Variants in MCPH1 observed in about 807,000 individuals in gnomAD.
MCPH1 encodes microcephalin.
In MCPH1, 104 loss-of-function variants were observed where a neutral mutation model predicts 84.5. That is an observed-to-expected ratio of 1.23 (90% CI 1.05 to 1.45). The LOEUF (loss-of-function observed/expected upper bound fraction) is 1.45, where lower values mean the gene tolerates loss of function less well. Among genes scored for constraint, MCPH1 ranks in the 40% most tolerant of loss-of-function variants. MCPH1 has a pLI of 0.00. For synonymous variants in MCPH1, 514 were observed against 366.8 expected, an observed-to-expected ratio of 1.40 and a Z score of -4.58; for missense variants, 1,498 against 1,005.7, an observed-to-expected ratio of 1.49 and a Z score of -6.62.
intron 3 of MCPH1, among the ~76,000 whole-genome samples, chr8:6,426,689 A>G (rs1373036044): frequency 6.6e-6 from 1 of 152,240 alleles, no homozygotes; most frequent in Non-Finnish European, 1.5e-5. Flanking sequence ...TCATTACCCA[A>G]ACTTTTCCAA....
At chr8:6,503,039 A>C (rs1261975823) in intron 12 of MCPH1, 5 of 1,589,642 alleles carry the variant, frequency 3.1e-6, no homozygotes, top group Non-Finnish European at 4.3e-6. Flanking sequence ...CGTGACTTTC[A>C]GTGCACTGGG....
At chr8:6,617,336 G>A (rs1340313771) in intron 12 of MCPH1, 1 of 145,934 alleles carries the variant, frequency 6.9e-6, no homozygotes, top group Non-Finnish European at 1.5e-5. Flanking sequence ...CTGGAGTACA[G>A]TGGCGCAATC....
chr8:6,602,558 A>G (rs1829456516), intron 12 of MCPH1, among the ~76,000 whole-genome samples: 1 of 152,024 alleles, frequency 6.6e-6, no homozygotes, highest in Non-Finnish European at 1.5e-5. Flanking sequence ...TCTCCCACTC[A>G]GAGAGCCTTC....
intron 12 of MCPH1, among the ~76,000 whole-genome samples, chr8:6,531,547 C>G (rs967989925): frequency 6.6e-6 from 1 of 152,184 alleles, no homozygotes; most frequent in Non-Finnish European, 1.5e-5. Flanking sequence ...CCATCTCGGC[C>G]TCCCAAAGTG....
At chr8:6,517,266 G>C (rs1424887677) in intron 12 of MCPH1, among the ~76,000 whole-genome samples, 2 of 152,162 alleles carry the variant, frequency 1.3e-5, no homozygotes, top group Non-Finnish European at 2.9e-5. Context: ...GCAGGAACCT[G>C]ATATCTTTCT....
intron 1 of MCPH1, among the ~76,000 whole-genome samples, chr8:6,408,821 C>G (rs564550689): frequency 1.3e-5 from 2 of 152,146 alleles, no homozygotes; most frequent in African/African-American, 2.4e-5. Context: ...CCTTGGCCTT[C>G]CAGAGTGCTG....
At chr8:6,429,902 A>G (rs1200522516) in intron 3 of MCPH1, among the ~76,000 whole-genome samples, 1 of 152,160 alleles carries the variant, frequency 6.6e-6, no homozygotes, top group Non-Finnish European at 1.5e-5. Context: ...GACAGGGTCC[A>G]AGCTCATTAG....
chr8:6,586,133 T>C (rs1354668911), intron 12 of MCPH1, among the ~76,000 whole-genome samples: 1 of 151,402 alleles, frequency 6.6e-6, no homozygotes, highest in South Asian at 2.1e-4. Flanking sequence ...CGCTTTCTGA[T>C]TTTTTTTTGT....
chr8:6,433,302 T>G (rs112777645), intron 4 of MCPH1, among the ~76,000 whole-genome samples: 138 of 152,284 alleles, frequency 9.1e-4, no homozygotes, highest in Non-Finnish European at 1.6e-3. Flanking sequence ...TACATACACA[T>G]TTTGATTTTA....
intron 12 of MCPH1, among the ~76,000 whole-genome samples, chr8:6,519,323 A>G (rs1167431222): frequency 6.6e-6 from 1 of 152,206 alleles, no homozygotes; most frequent in African/African-American, 2.4e-5. Context: ...AGATAGAGCA[A>G]AAACCATGGT....
At chr8:6,604,636 C>G (rs1278631030) in intron 12 of MCPH1, among the ~76,000 whole-genome samples, 2 of 152,244 alleles carry the variant, frequency 1.3e-5, no homozygotes, top group East Asian at 1.9e-4. Context: ...TCCTAAGTAG[C>G]TAGGACTATA....
At chr8:6,447,190 T>C in intron 8 of MCPH1, 2 of 985,398 alleles carry the variant, frequency 2.0e-6, no homozygotes, top group Non-Finnish European at 2.4e-6. Context: ...TAAAGATTCA[T>C]CAATGTTTTA....
rs989718685 is a variant in MCPH1 at position 6,627,263 on chromosome 8, T to G, written c.2452+5572T>G. ...CAGTCACCGCAGTCCACATCTCCAT[T>G]GCCTCGATAAGGAACCAGTCGCAGA... On this transcript the variant is annotated intron_variant, in intron 13 of 13. Transcript: ENST00000344683. 9.1e-6 allele frequency: 9 copies of G among 985,402 alleles called. No homozygotes were observed. The Admixed American group carries it at 1.8e-4, about 20-fold the overall frequency. The allele number at this position is 985,402 out of a possible 1,614,324, so 61.0% of individuals were successfully genotyped here. A position where few individuals can be genotyped will look rare whatever the true frequency, so the allele number is the denominator to read the frequency against.
intron 10 of MCPH1, among the ~76,000 whole-genome samples, chr8:6,478,400 C>G (rs1808753620): frequency 6.6e-6 from 1 of 152,038 alleles, no homozygotes; most frequent in South Asian, 2.1e-4. Flanking sequence ...TCTAAATAGT[C>G]TAATACAGAA....
chr8:6,526,436 A>G (rs1350115280), intron 12 of MCPH1, among the ~76,000 whole-genome samples: 2 of 151,396 alleles, frequency 1.3e-5, no homozygotes, highest in Non-Finnish European at 3.0e-5. Context: ...CCCTGTCTCA[A>G]AAAAAAAACA....
At chr8:6,582,590 C>T (rs145057541) in intron 12 of MCPH1, among the ~76,000 whole-genome samples, 54 of 152,204 alleles carry the variant, frequency 3.5e-4, no homozygotes, top group African/African-American at 1.3e-3. Flanking sequence ...GTAAGATAAA[C>T]ACTGTGAACT....
At chr8:6,504,737 C>G (rs995743686) in intron 12 of MCPH1, among the ~76,000 whole-genome samples, 17 of 152,028 alleles carry the variant, frequency 1.1e-4, no homozygotes, top group African/African-American at 3.6e-4. Flanking sequence ...AAATTGGAAG[C>G]AATATGTTGT....
chr8:6,479,585 C>T (rs983572471), intron 10 of MCPH1, among the ~76,000 whole-genome samples: 14 of 152,058 alleles, frequency 9.2e-5, no homozygotes, highest in South Asian at 2.1e-4. Flanking sequence ...CAGGCACCCG[C>T]GACCACGCCC....
intron 13 of MCPH1, among the ~76,000 whole-genome samples, chr8:6,627,561 T>C (rs1274245561): frequency 6.6e-6 from 1 of 152,226 alleles, no homozygotes; most frequent in Admixed American, 6.5e-5. Context: ...CTGGTGGGAT[T>C]TGGTAATGTC....
Sources: gnomAD v4.1 joint callset for allele counts (sites outside exome capture counted in the v4.1 genomes callset) on GRCh38, gnomAD v4.1.1 for gene constraint, MANE v1.5 for transcripts, NCBI Gene and HGNC (gene_info 2026-07-23, HGNC 2026-07-21) for gene names.